The following PTPRD variants were observed in gnomAD, a reference collection of about 807,000 sequenced individuals.
PTPRD encodes receptor-type tyrosine-protein phosphatase delta.
In PTPRD, 34 loss-of-function variants were observed where a neutral mutation model predicts 214.5. The observed-to-expected ratio is 0.16, with a 90% CI of 0.12 to 0.21. The LOEUF (loss-of-function observed/expected upper bound fraction) is 0.21, where lower values mean the gene tolerates loss of function less well. Ranked by LOEUF, PTPRD falls within the 10% of genes least tolerant of loss-of-function variation. The pLI, the probability that PTPRD is intolerant of heterozygous loss-of-function variation, is 1.00. For synonymous variants in PTPRD, 1,128 were observed against 845.7 expected (o/e 1.33, Z -5.79); for missense variants, 2,545 against 2,398.7 (o/e 1.06, Z -1.27).
At chr9:9,880,498 T>C (rs191147539) in intron 5 of PTPRD, among the ~76,000 whole-genome samples, 25 of 152,330 alleles carry the variant, frequency 1.6e-4, no homozygotes, top group African/African-American at 5.3e-4. Context: ...ATAGAATTTA[T>C]ATACAAATTA....
Position 9,731,834 on chromosome 9 carries a change from T to C in PTPRD, c.-287+2699A>G, listed in dbSNP as rs76783608. 9.3e-3 allele frequency among the ~76,000 whole-genome samples: 1,412 copies of C among 152,252 alleles called. 19 individuals carry two copies. Among genetic ancestry groups the C allele is most frequent in the African/African-American group, 0.031 (1,293 of 41,542 alleles). On this transcript the variant is annotated intron_variant, in intron 7 of 45. Transcript: ENST00000381196. ...TAAATAAGTTAGTTAATTGAAAATA[T>C]TGAGGAACTACTAAACATAGAGCAA...
At chr9:9,934,420 A>T (rs2088258680) in intron 5 of PTPRD, among the ~76,000 whole-genome samples, 1 of 136,274 alleles carries the variant, frequency 7.3e-6, no homozygotes, top group Non-Finnish European at 1.6e-5. Flanking sequence ...CAGAAAGACA[A>T]ACTACCATCA....
At chr9:9,361,666 T>C (rs2056212441) in intron 9 of PTPRD, among the ~76,000 whole-genome samples, 1 of 151,120 alleles carries the variant, frequency 6.6e-6, no homozygotes, top group Admixed American at 6.6e-5. Flanking sequence ...ATTATTCTCC[T>C]CTAGCTATTT....
chr9:9,823,854 T>C (rs1244591538), intron 5 of PTPRD, among the ~76,000 whole-genome samples: 1 of 151,970 alleles, frequency 6.6e-6, no homozygotes, highest in African/African-American at 2.4e-5. Context: ...TCAAAATAAT[T>C]AGAGGAGCAA....
chr9:8,376,132 C>T (rs760696778), intron 38 of PTPRD, 42 bp from the exon 39 acceptor site: 8 of 1,605,998 alleles, frequency 5.0e-6, no homozygotes, highest in Non-Finnish European at 6.8e-6. Context: ...TTTTCCAAGC[C>T]TCAGGTGGTA....
chr9:9,669,438 G>T (rs895684189), intron 7 of PTPRD, among the ~76,000 whole-genome samples: 1 of 152,110 alleles, frequency 6.6e-6, no homozygotes, highest in African/African-American at 2.4e-5. Context: ...TCAAAGTGGT[G>T]CATCAAGTAG....
Position 9,992,174 on chromosome 9 carries a change from G to A in PTPRD, c.-472+41544C>T, listed in dbSNP as rs141994940. 7.2e-5 allele frequency among the ~76,000 whole-genome samples: 11 copies of A among 152,242 alleles called. No individual in the cohort carries two copies. The East Asian group carries it at 2.1e-3, about 29-fold the overall frequency. On this transcript the variant is annotated intron_variant, in intron 4 of 45. Coordinates refer to ENST00000381196, the MANE Select transcript of PTPRD (RefSeq NM_002839.4). ...ATTCTGGAATGAGATAGTGACAATG[G>A]TTGCATGACTGTGAATATACTGAAA...
At chr9:9,100,666 C>G (rs2099790019) in intron 10 of PTPRD, among the ~76,000 whole-genome samples, 1 of 152,050 alleles carries the variant, frequency 6.6e-6, no homozygotes, top group Non-Finnish European at 1.5e-5. Context: ...GGTAAAAGTC[C>G]TGAGAAAACA....
intron 8 of PTPRD, among the ~76,000 whole-genome samples, chr9:9,525,562 T>C (rs993180133): frequency 6.6e-6 from 1 of 152,038 alleles, no homozygotes; most frequent in Non-Finnish European, 1.5e-5. Context: ...TACTAAGAGA[T>C]GAAAGCAACT....
In PTPRD at chr9:10,207,829, T is replaced by C. The variant is rs556570478; in HGVS notation, c.-545+133134A>G. ...TAGGAAACACTATTAAAAAGTGTTA[T>C]ATCTTCTCGTATGGAAGCAAAACAA... On this transcript the variant is annotated intron_variant, in intron 3 of 45. Coordinates refer to ENST00000381196, the MANE Select transcript of PTPRD (RefSeq NM_002839.4). 1.7e-3 allele frequency among the ~76,000 whole-genome samples: 265 copies of C among 152,174 alleles called. 2 individuals are homozygous for C. The highest frequency in any genetic ancestry group is 3.4e-3 in the Middle Eastern group (1 of 294).
intron 10 of PTPRD, among the ~76,000 whole-genome samples, chr9:9,048,509 G>A (rs1216548479): frequency 6.6e-6 from 1 of 152,088 alleles, no homozygotes; most frequent in African/African-American, 2.4e-5. Context: ...GTGAAAACGT[G>A]GATGGAACTG....
At chr9:9,607,369 G>A (rs1429213692) in intron 7 of PTPRD, among the ~76,000 whole-genome samples, 2 of 152,020 alleles carry the variant, frequency 1.3e-5, no homozygotes, top group Non-Finnish European at 2.9e-5. Context: ...ACTATGCACT[G>A]GACACTATAT....
chr9:9,582,648 G>C (rs73388944), intron 7 of PTPRD, among the ~76,000 whole-genome samples: 1 of 151,924 alleles, frequency 6.6e-6, no homozygotes, highest in Non-Finnish European at 1.5e-5. Flanking sequence ...CAATAAAGCT[G>C]TTATTTTTAA....
chr9:9,675,171 C>T (rs567879679), intron 7 of PTPRD, among the ~76,000 whole-genome samples: 6 of 151,918 alleles, frequency 3.9e-5, no homozygotes, highest in Non-Finnish European at 8.8e-5. Context: ...AATCTGTATA[C>T]GTTTAAATAC....
chr9:10,335,540 A>G (rs548529322), intron 3 of PTPRD, among the ~76,000 whole-genome samples: 6 of 151,868 alleles, frequency 4.0e-5, no homozygotes, highest in African/African-American at 1.4e-4. Context: ...GGGTTTGATG[A>G]TGACATTAGA....
intron 5 of PTPRD, among the ~76,000 whole-genome samples, chr9:9,860,756 C>T (rs138889986): frequency 1.3e-5 from 2 of 151,998 alleles, no homozygotes; most frequent in African/African-American, 4.8e-5. Flanking sequence ...TAGTTCATTA[C>T]TGATCCACAC....
chr9:8,390,837 T>G (rs558542511), intron 36 of PTPRD, among the ~76,000 whole-genome samples: 10 of 152,154 alleles, frequency 6.6e-5, no homozygotes, highest in Admixed American at 3.3e-4. Flanking sequence ...ATGGTAGGAA[T>G]TGGGATAAGA....
In PTPRD at chr9:9,362,706, T is replaced by C. The variant is rs1242101411; in HGVS notation, c.-203+34743A>G. ...AGCCTGCCAATAGAATAACTATCCA[T>C]TGTTTCTTTAAAATCTATAATACTT... On this transcript the variant is annotated intron_variant, in intron 9 of 45. Transcript: ENST00000381196. 9.3e-5 allele frequency among the ~76,000 whole-genome samples: 14 copies of C among 151,264 alleles called. 1 individual carries two copies. The highest frequency in any genetic ancestry group is 4.1e-4 in the South Asian group (2 of 4,828).
chr9:9,759,018 A>C (rs1238200024), intron 6 of PTPRD, among the ~76,000 whole-genome samples: 2 of 152,180 alleles, frequency 1.3e-5, no homozygotes, highest in Admixed American at 6.6e-5. Flanking sequence ...TGTTTAAAGA[A>C]AAAAAGTTGT....
Sources: gnomAD v4.1 joint callset for allele counts (sites outside exome capture counted in the v4.1 genomes callset) on GRCh38, gnomAD v4.1.1 for gene constraint, MANE v1.5 for transcripts, NCBI Gene and HGNC (gene_info 2026-07-23, HGNC 2026-07-21) for gene names.